Variants in LRP1B observed in about 807,000 individuals in gnomAD.
LRP1B encodes low-density lipoprotein receptor-related protein 1B.
In LRP1B, 217 loss-of-function variants were observed where a neutral mutation model predicts 556.6. The ratio of observed to expected loss-of-function variants is 0.39; its 90% confidence interval spans 0.35 to 0.44. LRP1B has a LOEUF of 0.44. Among genes scored for constraint, LRP1B ranks in the 20% least tolerant of loss-of-function variants. LRP1B has a pLI of 1.00. For missense variants in LRP1B, 5,053 were observed against 5,620.8 expected, an observed-to-expected ratio of 0.90 and a Z score of 3.23; for synonymous variants, 2,047 against 1,865.8, an observed-to-expected ratio of 1.10 and a Z score of -2.50.
rs1553469382 is a variant in LRP1B, at chr2:141,822,130, C to CAGAGAGAGAGAGAGAGAGAGAGAGAGAG, written c.83-11730_83-11729insCTCTCTCTCTCTCTCTCTCTCTCTCTCT. ...ACACACACACACACACACACACACA[C>CAGAGAGAGAGAGAGAGAGAGAGAGAGAG]AGAGAGAGAGAGAGAGAGAGAGAGA... On this transcript the variant is annotated intron_variant, in intron 1 of 90. Transcript: ENST00000389484. Among the ~76,000 whole-genome samples, 15 of 95,890 alleles carry CAGAGAGAGAGAGAGAGAGAGAGAGAGAG rather than the reference C, an allele frequency of 1.6e-4. 1 individual carries two copies. Among genetic ancestry groups the CAGAGAGAGAGAGAGAGAGAGAGAGAGAG allele is most frequent in the African/African-American group, 6.7e-4 (15 of 22,418 alleles). 62.9% of individuals were successfully genotyped at this position (95,890 alleles called of 152,430 possible).
At chr2:141,394,015 G>C (rs1048545331) in intron 3 of LRP1B, among the ~76,000 whole-genome samples, 8 of 151,872 alleles carry the variant, frequency 5.3e-5, no homozygotes, top group Non-Finnish European at 1.0e-4. Flanking sequence ...TATTAGATTT[G>C]CAAAAAGTAA....
intron 59 of LRP1B, among the ~76,000 whole-genome samples, chr2:140,484,456 A>C (rs935475328): frequency 6.6e-6 from 1 of 152,162 alleles, no homozygotes; most frequent in Non-Finnish European, 1.5e-5. Context: ...AAATTGCAGA[A>C]AATTTGGAGT....
At chr2:141,571,536 CATA>C (rs911240111) in intron 2 of LRP1B, among the ~76,000 whole-genome samples, 54 of 152,108 alleles carry the variant, frequency 3.6e-4, no homozygotes, top group Non-Finnish European at 4.0e-4. Context: ...TTCAAATGAT[CATA>C]ATGTCTCTCC....
At chr2:141,986,623 A>C (rs543691919) in intron 1 of LRP1B, among the ~76,000 whole-genome samples, 2 of 152,006 alleles carry the variant, frequency 1.3e-5, no homozygotes, top group Non-Finnish European at 2.9e-5. Flanking sequence ...TTTAAAAATC[A>C]AGTTGTTTCC....
chr2:140,820,337 T>C (rs1474226500), intron 31 of LRP1B, among the ~76,000 whole-genome samples: 1 of 152,308 alleles, frequency 6.6e-6, no homozygotes, highest in African/African-American at 2.4e-5. Flanking sequence ...ACTGCCTTTA[T>C]CTTAACATGA....
chr2:141,058,824 G>A (rs2105462221), intron 9 of LRP1B, 59 bp downstream of exon 9: 1 of 1,385,108 alleles, frequency 7.2e-7, no homozygotes, highest in Non-Finnish European at 9.6e-7. Context: ...AAAAGCACAA[G>A]GACTATATCC....
intron 53 of LRP1B, among the ~76,000 whole-genome samples, chr2:140,504,799 G>T (rs139566613): frequency 5.9e-5 from 9 of 151,934 alleles, no homozygotes. Flanking sequence ...TCCCAACCTC[G>T]TTCAAAACCA....
intron 35 of LRP1B, among the ~76,000 whole-genome samples, chr2:140,724,382 T>A (rs1004565753): frequency 5.3e-5 from 8 of 152,148 alleles, no homozygotes; most frequent in Admixed American, 1.3e-4. Flanking sequence ...CAAAAAATAA[T>A]TTAAGGATAG....
At chr2:141,310,389 G>C (rs940634243) in intron 3 of LRP1B, among the ~76,000 whole-genome samples, 3 of 152,082 alleles carry the variant, frequency 2.0e-5, no homozygotes, top group African/African-American at 7.2e-5. Context: ...AATAATATTA[G>C]TGCATACCTC....
intron 72 of LRP1B, among the ~76,000 whole-genome samples, chr2:140,360,919 T>C (rs939902472): frequency 2.0e-5 from 3 of 151,492 alleles, no homozygotes; most frequent in African/African-American, 7.3e-5. Context: ...GTAAAACCAC[T>C]ACTAGAATGT....
At chr2:140,324,139 G>C (rs2105060034) in intron 80 of LRP1B, 73 bp from the exon 81 acceptor site, 1 of 902,468 alleles carries the variant, frequency 1.1e-6, no homozygotes, top group African/African-American at 1.7e-5. Context: ...GTTTATCCAA[G>C]ACGATATTGA....
rs113620179 is a variant in LRP1B at position 141,668,992 on chromosome 2, G to A, written c.205+141287C>T. ...GGCACGTCACAATACCCTTGTGATG[G>A]GGGTCAAGGAACTCTGCTGTTTTAA... On this transcript the variant is annotated intron_variant, in intron 2 of 90. Transcript: ENST00000389484. Among the ~76,000 whole-genome samples, 255 of 152,230 alleles carry A rather than the reference G, an allele frequency of 1.7e-3. 1 individual carries two copies. The highest frequency in any genetic ancestry group is 5.9e-3 in the African/African-American group (243 of 41,538).
chr2:140,517,126 T>C lies in LRP1B; in HGVS notation c.8027-115A>G, dbSNP rs539890579. The C allele has an allele frequency of 3.3e-4, 240 of 723,922 alleles. 1 individual carries two copies. The East Asian group carries it at 4.4e-3, about 13-fold the overall frequency. The allele number at this position is 723,922 out of a possible 1,614,324, so 44.8% of individuals were successfully genotyped here. ...GATAAATAACAAGTAAGCTTAAAAATAGCTAAGATTTTCTCCTAAAGAATG... is the reference window on the plus strand; with the variant it reads ...GATAAATAACAAGTAAGCTTAAAAACAGCTAAGATTTTCTCCTAAAGAATG... On this transcript the variant is annotated intron_variant, in intron 49 of 90. Coordinates refer to ENST00000389484, the MANE Select transcript of LRP1B (RefSeq NM_018557.3).
intron 3 of LRP1B, among the ~76,000 whole-genome samples, chr2:141,270,125 C>T (rs572640600): frequency 4.6e-5 from 7 of 152,028 alleles, no homozygotes; most frequent in East Asian, 1.9e-4. Context: ...TAAAAATGGG[C>T]GAAGACTTCA....
intron 2 of LRP1B, among the ~76,000 whole-genome samples, chr2:141,712,802 T>C (rs562431655): frequency 1.7e-4 from 25 of 151,074 alleles, no homozygotes; most frequent in African/African-American, 5.6e-4. Flanking sequence ...CCCTAGTAGC[T>C]AGAATTACAG....
chr2:142,112,505 A>G (rs1253804054), intron 1 of LRP1B, among the ~76,000 whole-genome samples: 5 of 152,136 alleles, frequency 3.3e-5, no homozygotes, highest in African/African-American at 1.2e-4. Context: ...CGGGAGGGAA[A>G]TAAAGAAGAT....
chr2:140,862,811 C>T (rs1391056527), intron 27 of LRP1B, among the ~76,000 whole-genome samples: 1 of 152,100 alleles, frequency 6.6e-6, no homozygotes, highest in Non-Finnish European at 1.5e-5. Flanking sequence ...AGTTTCCTGC[C>T]CTTGCCATTA....
intron 1 of LRP1B, among the ~76,000 whole-genome samples, chr2:142,017,668 A>C (rs938172734): frequency 4.1e-4 from 62 of 152,188 alleles, no homozygotes; most frequent in African/African-American, 1.5e-3. Flanking sequence ...TGTGCCCAAG[A>C]GTTTTGAGAC....
chr2:140,279,582 A>G (rs1682828613), intron 84 of LRP1B, among the ~76,000 whole-genome samples: 1 of 151,956 alleles, frequency 6.6e-6, no homozygotes, highest in Non-Finnish European at 1.5e-5. Context: ...CTACACACTC[A>G]TATTTAAATT....
Sources: gnomAD v4.1 joint callset for allele counts (sites outside exome capture counted in the v4.1 genomes callset) on GRCh38, gnomAD v4.1.1 for gene constraint, MANE v1.5 for transcripts, NCBI Gene and HGNC (gene_info 2026-07-23, HGNC 2026-07-21) for gene names.